The following RIGI variants were observed in gnomAD, a reference collection of about 807,000 sequenced individuals.
RIGI encodes RNA sensor RIG-I.
chr9:32,504,238 G>A, the RIGI span, among the ~76,000 whole-genome samples: 1 of 152,082 alleles, frequency 6.6e-6, no homozygotes, highest in Non-Finnish European at 1.5e-5. Flanking sequence ...TAGAGTAAAC[G>A]AGATGCTGGA....
At chr9:32,475,198 C>T in the RIGI span, among the ~76,000 whole-genome samples, 2 of 152,056 alleles carry the variant, frequency 1.3e-5, no homozygotes, top group African/African-American at 2.4e-5. Flanking sequence ...GTGATCCGCC[C>T]GCCTCAGCCT....
At chr9:32,499,903 C>T in the RIGI span, among the ~76,000 whole-genome samples, 8 of 152,194 alleles carry the variant, frequency 5.3e-5, no homozygotes, top group Non-Finnish European at 7.4e-5. Flanking sequence ...TACAGGCACA[C>T]GCCACCATGT....
chr9:32,481,961 A>C, the RIGI span, among the ~76,000 whole-genome samples: 1 of 152,238 alleles, frequency 6.6e-6, no homozygotes, highest in African/African-American at 2.4e-5. Flanking sequence ...AAACTATTTA[A>C]CTGGATTCAG....
the RIGI span, among the ~76,000 whole-genome samples, chr9:32,493,377 G>A: frequency 1.3e-5 from 2 of 152,226 alleles, no homozygotes; most frequent in Non-Finnish European, 2.9e-5. Context: ...TGTAATCCCA[G>A]CACTTTGAGA....
At chr9:32,491,500 A>T in the RIGI span, 1 of 1,156,384 alleles carries the variant, frequency 8.6e-7, no homozygotes, top group Non-Finnish European at 1.2e-6. Flanking sequence ...CAAAATGGTC[A>T]TAACACTAAG....
At chr9:32,471,393 C>T in the RIGI span, among the ~76,000 whole-genome samples, 2 of 152,216 alleles carry the variant, frequency 1.3e-5, no homozygotes, top group East Asian at 1.9e-4. Flanking sequence ...CTGGAACAGA[C>T]ATCATACGTG....
the RIGI span, chr9:32,480,117 G>T: frequency 7.5e-7 from 1 of 1,327,882 alleles, no homozygotes; most frequent in Non-Finnish European, 1.0e-6. Context: ...AACTCCCTAA[G>T]CATCCCCAAG....
chr9:32,493,495 G>A, the RIGI span, among the ~76,000 whole-genome samples: 4 of 143,552 alleles, frequency 2.8e-5, no homozygotes, highest in East Asian at 4.0e-4. Flanking sequence ...ATGGTAGCAC[G>A]CACCTGTAAT....
chr9:32,526,169 C>G, the RIGI span: 1 of 1,610,658 alleles, frequency 6.2e-7, no homozygotes, highest in Admixed American at 1.7e-5. Context: ...GTGGTCATGC[C>G]GGCCTCTGCT....
the RIGI span, among the ~76,000 whole-genome samples, chr9:32,486,361 G>A: frequency 6.6e-6 from 1 of 150,850 alleles, no homozygotes; most frequent in Non-Finnish European, 1.5e-5. Flanking sequence ...ACTGAGGCAG[G>A]AGAATCACTT....
the RIGI span, among the ~76,000 whole-genome samples, chr9:32,496,767 G>A: frequency 6.6e-6 from 1 of 152,192 alleles, no homozygotes; most frequent in African/African-American, 2.4e-5. Context: ...CATGGTATAA[G>A]TGTCAAAATT....
At chr9:32,492,639 G>T in the RIGI span, 1 of 1,403,748 alleles carries the variant, frequency 7.1e-7, no homozygotes, top group Non-Finnish European at 9.9e-7. Context: ...CTGATTTAAA[G>T]CCATTGTACA....
the RIGI span, chr9:32,487,427 G>A: frequency 6.3e-7 from 1 of 1,586,000 alleles, no homozygotes; most frequent in South Asian, 1.1e-5. Context: ...AGAGGTAGTA[G>A]AGAGTAACAG....
At chr9:32,473,154 T>G in the RIGI span, 1 of 927,090 alleles carries the variant, frequency 1.1e-6, no homozygotes, top group Non-Finnish European at 1.6e-6. Context: ...AAGAAAAAAA[T>G]TTAAAGTTAG....
the RIGI span, among the ~76,000 whole-genome samples, chr9:32,463,866 C>T: frequency 1.3e-5 from 2 of 150,990 alleles, no homozygotes; most frequent in Non-Finnish European, 3.0e-5. Context: ...GAAAGAAAAA[C>T]AGCTTCCTCC....
the RIGI span, among the ~76,000 whole-genome samples, chr9:32,484,342 G>A: frequency 6.6e-6 from 1 of 152,156 alleles, no homozygotes; most frequent in Non-Finnish European, 1.5e-5. Flanking sequence ...TGAAAGAAAA[G>A]GGGAGAGAAA....
At chr9:32,462,293 C>T in the RIGI span, among the ~76,000 whole-genome samples, 1 of 151,918 alleles carries the variant, frequency 6.6e-6, no homozygotes, top group African/African-American at 2.4e-5. Context: ...ATGGAAATCT[C>T]CCTCCCCCTT....
chr9:32,466,797 C>T, the RIGI span, among the ~76,000 whole-genome samples: 3 of 150,370 alleles, frequency 2.0e-5, no homozygotes, highest in Non-Finnish European at 4.4e-5. Context: ...TTCTCAGGGT[C>T]TCAACAATGC....
the RIGI span, among the ~76,000 whole-genome samples, chr9:32,462,403 GCTTT>G: frequency 1.8e-5 from 2 of 111,588 alleles, no homozygotes; most frequent in African/African-American, 6.5e-5. Context: ...ATTAGATCTA[GCTTT>G]TTTTTTTTTT....
Sources: allele counts gnomAD v4.1 joint callset (sites outside exome capture counted in the v4.1 genomes callset), GRCh38; gene constraint gnomAD v4.1.1; transcripts MANE v1.5; gene names NCBI Gene and HGNC (gene_info 2026-07-23, HGNC 2026-07-21).